Variants in SLC8A3 observed in about 807,000 individuals in gnomAD.
SLC8A3 encodes the protein solute carrier family 8 member A3.
A neutral mutation model predicts 65.4 loss-of-function variants in SLC8A3; 37 were observed. That is an observed-to-expected ratio of 0.57 (90% CI 0.44 to 0.74). SLC8A3 has a LOEUF of 0.74. Ranked by LOEUF, SLC8A3 falls within the 30% of genes least tolerant of loss-of-function variation. The probability of loss-of-function intolerance (pLI) is 0.00; values close to 1 mark genes in which losing one functional copy is unlikely to be tolerated. For synonymous variants in SLC8A3, 461 were observed against 444.5 expected (o/e 1.04, Z -0.47); for missense variants, 1,112 against 1,172.1 (o/e 0.95, Z 0.75).
chr14:70,128,065 C>T (rs540488609), intron 2 of SLC8A3, among the ~76,000 whole-genome samples: 1 of 152,162 alleles, frequency 6.6e-6, no homozygotes. Flanking sequence ...ACCTTACAAA[C>T]TTGTTCCTCG....
rs1886549976 is a variant in SLC8A3 at position 70,044,595 on chromosome 14, C to T, written c.*1352G>A. On this transcript the variant is annotated 3_prime_UTR_variant, in exon 7 of 7. Transcript: ENST00000356921. ...AGGGATTATGACAACTAAGATTCCT[C>T]TTACTGGAGCAAGAACTACCCCATA... The T allele has an allele frequency of 6.6e-6, 1 of 152,102 alleles. No individual in the cohort carries two copies. 9.4% of individuals were successfully genotyped at this position (152,102 alleles called of 1,614,324 possible). A position where few individuals can be genotyped will look rare whatever the true frequency, so the allele number is the denominator to read the frequency against.
intron 2 of SLC8A3, among the ~76,000 whole-genome samples, chr14:70,161,841 C>T (rs1195208252): frequency 1.3e-5 from 2 of 152,244 alleles, no homozygotes; most frequent in Non-Finnish European, 2.9e-5. Context: ...TAGATTTTTA[C>T]AGAAAGATTT....
intron 2 of SLC8A3, among the ~76,000 whole-genome samples, chr14:70,141,474 C>T (rs1176041775): frequency 1.3e-5 from 2 of 152,186 alleles, no homozygotes; most frequent in African/African-American, 2.4e-5. Flanking sequence ...AAATGACTTA[C>T]ATTTATTACA....
chr14:70,064,494 G>A (rs919234453), intron 2 of SLC8A3, among the ~76,000 whole-genome samples: 1 of 138,618 alleles, frequency 7.2e-6, no homozygotes, highest in Non-Finnish European at 1.6e-5. Flanking sequence ...CTCTTTTTCT[G>A]TATGGCAGTG....
intron 2 of SLC8A3, among the ~76,000 whole-genome samples, chr14:70,075,094 G>C (rs1393740843): frequency 6.6e-6 from 1 of 152,048 alleles, no homozygotes; most frequent in Admixed American, 6.6e-5. Flanking sequence ...CTTGTTTTTG[G>C]AAACTGCAGG....
rs1016486793 is a variant in SLC8A3 at position 70,044,685 on chromosome 14, A to C, written c.*1262T>G. On this transcript the variant is annotated 3_prime_UTR_variant, in exon 7 of 7. Transcript: ENST00000356921. ...GAACATGGGAGAAATGAGGAATTCC[A>C]GTTCCTATCTTGTAAAAATGCTTTC... 6.6e-6 allele frequency: 1 copy of C among 152,152 alleles called. No individual in the cohort carries two copies. Among genetic ancestry groups the C allele is most frequent in the Non-Finnish European group, 1.5e-5 (1 of 68,028 alleles). 9.4% of individuals were successfully genotyped at this position (152,152 alleles called of 1,614,324 possible). A position where few individuals can be genotyped will look rare whatever the true frequency, so the allele number is the denominator to read the frequency against.
chr14:70,163,012 C>A (rs1457326276), intron 2 of SLC8A3, among the ~76,000 whole-genome samples: 1 of 152,146 alleles, frequency 6.6e-6, no homozygotes, highest in East Asian at 1.9e-4. Context: ...TTGTCTGTAC[C>A]CTTTGATCCT....
At chr14:70,172,013 C>T (rs541829937) in intron 1 of SLC8A3, among the ~76,000 whole-genome samples, 1 of 152,204 alleles carries the variant, frequency 6.6e-6, no homozygotes, top group East Asian at 1.9e-4. Flanking sequence ...ATTGCCCCGG[C>T]CCAGACACCA....
intron 2 of SLC8A3, among the ~76,000 whole-genome samples, chr14:70,165,808 A>G (rs1025465787): frequency 1.3e-5 from 2 of 152,256 alleles, no homozygotes; most frequent in Admixed American, 1.3e-4. Context: ...AAGAAGAGGT[A>G]CTTCAGGAGA....
intron 2 of SLC8A3, among the ~76,000 whole-genome samples, chr14:70,163,735 C>T (rs1353186896): frequency 2.0e-5 from 3 of 152,146 alleles, no homozygotes; most frequent in Admixed American, 6.5e-5. Flanking sequence ...TGGTCAAGAG[C>T]TTCAGAACCT....
chr14:70,161,575 A>T (rs1284803439), intron 2 of SLC8A3, among the ~76,000 whole-genome samples: 2 of 152,168 alleles, frequency 1.3e-5, no homozygotes, highest in East Asian at 3.9e-4. Context: ...GGCAGAAGGA[A>T]AGAGAAAGAG....
At chr14:70,082,065 C>T (rs1052427189) in intron 2 of SLC8A3, among the ~76,000 whole-genome samples, 1 of 152,124 alleles carries the variant, frequency 6.6e-6, no homozygotes, top group Admixed American at 6.5e-5. Context: ...CTATTTTGCC[C>T]ATGAGGAATC....
Position 70,113,797 on chromosome 14 carries a change from G to A in SLC8A3, c.1784+52842C>T, listed in dbSNP as rs1461294849. On this transcript the variant is annotated intron_variant, in intron 2 of 6. Transcript: ENST00000356921. Reference sequence around the variant, plus strand: ...GAGAGCCACTTCTGTGCTGAAGGAAGCTACAAGTTTTAAAGTATTTCATTA... The same window carrying A: ...GAGAGCCACTTCTGTGCTGAAGGAAACTACAAGTTTTAAAGTATTTCATTA... Among the ~76,000 whole-genome samples, 2 of 152,162 alleles carry A rather than the reference G, an allele frequency of 1.3e-5. 1 individual carries two copies. Among genetic ancestry groups the A allele is most frequent in the East Asian group, 3.8e-4 (2 of 5,198 alleles).
chr14:70,159,410 C>CAAAAA (rs5809471), intron 2 of SLC8A3, among the ~76,000 whole-genome samples: 46 of 133,688 alleles, frequency 3.4e-4, no homozygotes, highest in African/African-American at 7.2e-4. Context: ...AAGACTCTGT[C>CAAAAA]AAAAAAAAAA....
At chr14:70,145,178 G>C (rs1895849873) in intron 2 of SLC8A3, among the ~76,000 whole-genome samples, 1 of 152,154 alleles carries the variant, frequency 6.6e-6, no homozygotes, top group Non-Finnish European at 1.5e-5. Context: ...AAATTTATTG[G>C]ATTAAACCCT....
intron 2 of SLC8A3, among the ~76,000 whole-genome samples, chr14:70,132,833 C>G (rs1894935236): frequency 6.6e-6 from 1 of 152,140 alleles, no homozygotes; most frequent in African/African-American, 2.4e-5. Context: ...ACAGCCCACC[C>G]TAGGCACTTG....
chr14:70,095,753 G>A (rs1266285498), intron 2 of SLC8A3, among the ~76,000 whole-genome samples: 2 of 152,232 alleles, frequency 1.3e-5, no homozygotes, highest in African/African-American at 4.8e-5. Flanking sequence ...GGTGCAGAGA[G>A]AAGCAAGTAA....
chr14:70,095,058 G>C (rs1333554325), intron 2 of SLC8A3, among the ~76,000 whole-genome samples: 2 of 150,992 alleles, frequency 1.3e-5, no homozygotes, highest in Admixed American at 1.3e-4. Context: ...TCTAAAGTGT[G>C]GATCTGCAAG....
chr14:70,142,522 T>C (rs1421879286), intron 2 of SLC8A3, among the ~76,000 whole-genome samples: 1 of 152,246 alleles, frequency 6.6e-6, no homozygotes, highest in Admixed American at 6.5e-5. Context: ...CCACTAATCT[T>C]GACCAAGGAG....
Sources: allele counts gnomAD v4.1 joint callset (sites outside exome capture counted in the v4.1 genomes callset), GRCh38; gene constraint gnomAD v4.1.1; transcripts MANE v1.5; gene names NCBI Gene and HGNC (gene_info 2026-07-23, HGNC 2026-07-21).